ESR1: variants seen among roughly 807,000 people sequenced by gnomAD.
ESR1 encodes estrogen receptor 1.
ESR1 carries 12 observed loss-of-function variants against 52.7 expected under a neutral mutation model. The observed-to-expected ratio is 0.23, with a 90% CI of 0.15 to 0.37. ESR1 has a LOEUF of 0.37. Ranked by LOEUF, ESR1 falls within the 10% of genes least tolerant of loss-of-function variation. The probability of loss-of-function intolerance (pLI) is 1.00; values close to 1 mark genes in which losing one functional copy is unlikely to be tolerated. For synonymous variants in ESR1, 305 were observed against 316.8 expected, an observed-to-expected ratio of 0.96 and a Z score of 0.39; for missense variants, 584 against 779.7, an observed-to-expected ratio of 0.75 and a Z score of 2.99.
At chr6:151,873,008 G>C (rs1791231304) in intron 2 of ESR1, among the ~76,000 whole-genome samples, 1 of 152,214 alleles carries the variant, frequency 6.6e-6, no homozygotes, top group East Asian at 1.9e-4. Flanking sequence ...GGTTGGCTGT[G>C]TTAATTCCTC....
At chr6:152,110,362 A>C (rs1374462192) in intron 6 of ESR1, among the ~76,000 whole-genome samples, 4 of 152,180 alleles carry the variant, frequency 2.6e-5, no homozygotes, top group Non-Finnish European at 4.4e-5. Flanking sequence ...AAGAATGAGA[A>C]CATGTTCTCT....
rs995958297 is a variant in ESR1 at position 152,053,627 on chromosome 6, CTTCT to C, written c.1236-7359_1236-7356del. On this transcript the variant is annotated intron_variant, in intron 5 of 7. Coordinates refer to ENST00000206249, the MANE Select transcript of ESR1 (RefSeq NM_000125.4). This position sits in a 1 kb window ranked among gnomAD's most constrained non-coding sequence, Gnocchi z 4.1. ...CTCTGTTAATCTCTCTTTCTCTCTC[CTTCT>C]TTCTGTCTCTGTCTCTGTCTGCCTC... is the stretch of plus-strand genomic sequence containing the variant. Among the ~76,000 whole-genome samples the C allele has an allele frequency of 1.3e-5, 2 of 149,002 alleles. No individual in the cohort carries two copies. The highest frequency in any genetic ancestry group is 5.1e-5 in the African/African-American group (2 of 39,546).
intron 6 of ESR1, among the ~76,000 whole-genome samples, chr6:152,062,082 C>G (rs1268872632): frequency 3.9e-5 from 6 of 152,188 alleles, no homozygotes; most frequent in Non-Finnish European, 1.5e-5. Context: ...GACATAGTCT[C>G]AAATTCCTCA....
rs1321141200 is a variant in ESR1 at position 152,046,375 on chromosome 6, C to T, written c.1236-14616C>T. The stretch of plus-strand genomic sequence containing the variant: ...ACATAATGAATGCTACCTATTGCTG[C>T]ACAGTGCCAAATCATTGCACTTTTC... On this transcript the variant is annotated intron_variant, in intron 5 of 7. Coordinates refer to ENST00000206249, the MANE Select transcript of ESR1 (RefSeq NM_000125.4). 3.9e-5 allele frequency among the ~76,000 whole-genome samples: 6 copies of T among 152,310 alleles called. No individual in the cohort carries two copies. In the East Asian group the frequency reaches 1.2e-3, roughly 29 times the overall value.
intron 4 of ESR1, among the ~76,000 whole-genome samples, chr6:151,973,476 G>A (rs2039118687): frequency 6.6e-6 from 1 of 152,144 alleles, no homozygotes; most frequent in African/African-American, 2.4e-5. Flanking sequence ...TTTACTCTGG[G>A]AGATACCAGG....
At chr6:151,856,781 C>T (rs1056846496) in intron 2 of ESR1, among the ~76,000 whole-genome samples, 4 of 152,064 alleles carry the variant, frequency 2.6e-5, no homozygotes, top group African/African-American at 7.2e-5. Context: ...CTGTAAATCC[C>T]GGGGAGGAGC....
intron 4 of ESR1, among the ~76,000 whole-genome samples, chr6:151,955,272 A>C (rs1038971123): frequency 6.6e-6 from 1 of 152,202 alleles, no homozygotes; most frequent in Non-Finnish European, 1.5e-5. Context: ...CCATAGAAGC[A>C]ATATTTTTTA....
intron 1 of ESR1, among the ~76,000 whole-genome samples, chr6:151,838,724 T>G (rs1016073822): frequency 1.3e-5 from 2 of 152,226 alleles, no homozygotes; most frequent in African/African-American, 4.8e-5. Context: ...ACAATGTTAT[T>G]TACATGGATT....
chr6:151,856,092 C>T (rs1787777444), intron 2 of ESR1, among the ~76,000 whole-genome samples: 1 of 152,038 alleles, frequency 6.6e-6, no homozygotes, highest in South Asian at 2.1e-4. Flanking sequence ...ATTTTGCATC[C>T]AGAGATTGAA....
chr6:151,975,550 G>A (rs190603997), intron 4 of ESR1, among the ~76,000 whole-genome samples: 2 of 152,192 alleles, frequency 1.3e-5, no homozygotes, highest in African/African-American at 2.4e-5. Flanking sequence ...CAGGCTGGCT[G>A]ACTGGAAGCT....
intron 2 of ESR1, among the ~76,000 whole-genome samples, chr6:151,868,972 C>G (rs1013847306): frequency 1.3e-5 from 2 of 152,138 alleles, no homozygotes; most frequent in African/African-American, 4.8e-5. Context: ...ACCCCCACAC[C>G]AGAGCTTAGT....
At chr6:151,778,315 A>G (rs1184573644) in intron 2 of ESR1, among the ~76,000 whole-genome samples, 1 of 152,176 alleles carries the variant, frequency 6.6e-6, no homozygotes, top group African/African-American at 2.4e-5. Context: ...GAGATGGACA[A>G]TGGTGATGGC....
downstream of ESR1, among the ~76,000 whole-genome samples, chr6:152,103,960 T>C (rs2051029207): frequency 6.7e-6 from 1 of 148,920 alleles, no homozygotes; most frequent in African/African-American, 2.6e-5. Context: ...GCTAGATTAC[T>C]GTTTGAATCT....
chr6:151,767,122 C>T (rs887332355), intron 2 of ESR1, among the ~76,000 whole-genome samples: 1 of 152,254 alleles, frequency 6.6e-6, no homozygotes. Context: ...CTTTTGTCTT[C>T]TTTTCCAAAA....
At chr6:152,087,445 G>GC (rs1266584111) in intron 6 of ESR1, among the ~76,000 whole-genome samples, 1 of 152,028 alleles carries the variant, frequency 6.6e-6, no homozygotes, top group Non-Finnish European at 1.5e-5. Flanking sequence ...ATAACAATAG[G>GC]CTACAAAATG....
At chr6:152,066,323 T>C (rs1428430162) in intron 6 of ESR1, among the ~76,000 whole-genome samples, 1 of 152,268 alleles carries the variant, frequency 6.6e-6, no homozygotes, top group Non-Finnish European at 1.5e-5. Context: ...AGATTGTTTA[T>C]GTTTTTATGT....
At chr6:151,973,775 A>G (rs1387597433) in intron 4 of ESR1, among the ~76,000 whole-genome samples, 9 of 152,168 alleles carry the variant, frequency 5.9e-5, no homozygotes, top group Admixed American at 5.2e-4. Flanking sequence ...CCTGTTGAAC[A>G]CTCAGTAAAT....
chr6:151,683,252 G>C (rs1204423705), intron 1 of ESR1, among the ~76,000 whole-genome samples: 1 of 152,120 alleles, frequency 6.6e-6, no homozygotes, highest in African/African-American at 2.4e-5. Context: ...TTTTGGTATT[G>C]TAGAGGGAGG....
intron 1 of ESR1, among the ~76,000 whole-genome samples, chr6:151,822,095 A>AT (rs941153199): frequency 6.6e-6 from 1 of 152,060 alleles, no homozygotes; most frequent in African/African-American, 2.4e-5. Context: ...TTTCACTTTG[A>AT]TTTTTTTTAA....
Sources: gnomAD v4.1 joint callset for allele counts (sites outside exome capture counted in the v4.1 genomes callset) on GRCh38, gnomAD v4.1.1 for gene constraint, Gnocchi (gnomAD v3.1) non-coding constraint, MANE v1.5 for transcripts, NCBI Gene and HGNC (gene_info 2026-07-23, HGNC 2026-07-21) for gene names.